The following PCDHA12 variants were observed in gnomAD, a reference collection of about 807,000 sequenced individuals.
PCDHA12 encodes protocadherin alpha-12.
PCDHA12 carries 44 observed loss-of-function variants against 60.0 expected under a neutral mutation model. The observed-to-expected ratio is 0.73, with a 90% confidence interval of 0.58 to 0.94. The LOEUF (loss-of-function observed/expected upper bound fraction) is 0.94, where lower values mean the gene tolerates loss of function less well. Ranked by LOEUF, PCDHA12 falls within the 40% of genes least tolerant of loss-of-function variation. The probability of loss-of-function intolerance (pLI) is 0.00; values close to 1 mark genes in which losing one functional copy is unlikely to be tolerated. For missense variants in PCDHA12, 1,276 were observed against 1,239.7 expected (o/e 1.03, Z -0.44); for synonymous variants, 569 against 553.0 (o/e 1.03, Z -0.40).
intron 3 of PCDHA12, among the ~76,000 whole-genome samples, chr5:140,994,729 A>G (rs1382639837): frequency 6.6e-6 from 1 of 152,180 alleles, no homozygotes; most frequent in Non-Finnish European, 1.5e-5. Flanking sequence ...AATACTGGGT[A>G]TTGCAGGATG....
At chr5:140,924,894 C>CAA (rs782133089) in intron 1 of PCDHA12, among the ~76,000 whole-genome samples, 44 of 71,514 alleles carry the variant, frequency 6.2e-4, no homozygotes, top group African/African-American at 1.3e-3. Flanking sequence ...GAACCTGTCT[C>CAA]AAAAAAAAAA....
rs2057054618 is a variant in PCDHA12, at chr5:140,877,347, G to A, written c.1875G>A (p.Gly625=). 1.9e-6 allele frequency: 3 copies of A among 1,614,010 alleles called. No individual in the cohort carries two copies. Among genetic ancestry groups the A allele is most frequent in the Admixed American group, 1.7e-5 (1 of 60,030 alleles). The change falls in exon 1 of 4, where the codon GGG becomes GGA. Residue 625 remains glycine (G), a synonymous_variant. Transcript: ENST00000398631. ...GCGCGCACATCCCGTTCCACGTGGGGCTGTACACTGGCGAGATCAGCACGA... is the reference window on the plus strand; with the variant it reads ...GCGCGCACATCCCGTTCCACGTGGGACTGTACACTGGCGAGATCAGCACGA... ...AVGAHIPFHV[G]LYTGEISTTR... is the part of the protein sequence containing the mutation.
In PCDHA12 at chr5:140,877,149, C is replaced by G. The variant is rs2056888845; in HGVS notation, c.1677C>G (p.Asn559Lys). The G allele has an allele frequency of 2.5e-6, 4 of 1,613,648 alleles. No individual in the cohort carries two copies. The highest frequency in any genetic ancestry group is 1.1e-5 in the South Asian group (1 of 91,078). Residue 559 changes from asparagine to lysine, a missense_variant, in exon 1 of 4, where the codon AAC (asparagine) becomes AAG (lysine). Asn to Lys is a moderately conservative substitution (Grantham distance 94, BLOSUM62 0). Coordinates refer to ENST00000398631, the MANE Select transcript of PCDHA12 (RefSeq NM_018903.4). ...TGCAGGTGTTCGTGCTGGACGAGAA[C>G]GACAACGCGCCGGCACTGCTGGCGA... is the stretch of plus-strand genomic sequence containing the variant. ...VTLQVFVLDENDNAPALLATP... is the reference protein window; with the variant it reads ...VTLQVFVLDEKDNAPALLATP...
At position 140,962,458 on chromosome 5, in the gene PCDHA12, G is replaced by A. The variant is rs535139362; in HGVS notation, c.2368-16491G>A. ...CCAAAGATGGCTTGAATCTCTTATG[G>A]CTTGAATCTCTTTGTTTATTCTAAG... On this transcript the variant is annotated intron_variant, in intron 1 of 3. Transcript: ENST00000398631. Among the ~76,000 whole-genome samples, 222 of 152,088 alleles carry A rather than the reference G, an allele frequency of 1.5e-3. 9 individuals carry two copies. In the South Asian group the frequency reaches 0.044, roughly 30 times the overall value.
In PCDHA12 at chr5:140,876,690, G is replaced by T; in HGVS notation, c.1218G>T (p.Ser406=). The T allele has an allele frequency of 6.2e-7, 1 of 1,614,174 alleles. No homozygotes were observed. Among genetic ancestry groups the T allele is most frequent in the Admixed American group, 1.7e-5 (1 of 60,034 alleles). ...KLVSTYKNYY[S]LVLDSALDRE... is the part of the protein sequence containing the mutation. ...TGTCCACCTACAAGAATTACTACTC[G>T]TTGGTGCTGGACAGCGCCCTGGACC... Residue 406 remains serine, a synonymous_variant, in exon 1 of 4, where the codon TCG becomes TCT. Coordinates refer to ENST00000398631, the MANE Select transcript of PCDHA12 (RefSeq NM_018903.4).
intron 3 of PCDHA12, among the ~76,000 whole-genome samples, chr5:141,004,400 G>A (rs183932833): frequency 7.4e-4 from 113 of 152,304 alleles, no homozygotes; most frequent in African/African-American, 2.7e-3. Flanking sequence ...TGTGGAGGAG[G>A]CACCTGACTA....
At chr5:141,003,307 C>T (rs2153977029) in intron 3 of PCDHA12, among the ~76,000 whole-genome samples, 1 of 152,252 alleles carries the variant, frequency 6.6e-6, no homozygotes. Flanking sequence ...ATGAAGTGGC[C>T]AGCTACTTCC....
intron 1 of PCDHA12, among the ~76,000 whole-genome samples, chr5:140,889,614 AT>A (rs1488109035): frequency 5.9e-5 from 9 of 151,496 alleles, no homozygotes; most frequent in Admixed American, 5.9e-4. Flanking sequence ...AATTATACTG[AT>A]TCATTTCTCT....
chr5:140,988,818 CCAAA>C (rs1193685505), intron 3 of PCDHA12: 2 of 152,060 alleles, frequency 1.3e-5, no homozygotes, highest in Non-Finnish European at 2.9e-5. Flanking sequence ...AACAGTAGCC[CCAAA>C]CAGAGATCAC....
chr5:140,938,991 T>C (rs2092291799), intron 1 of PCDHA12, among the ~76,000 whole-genome samples: 2 of 152,230 alleles, frequency 1.3e-5, no homozygotes, highest in South Asian at 2.1e-4. Context: ...TGGCTTTATA[T>C]AGTAAGTTAA....
intron 1 of PCDHA12, among the ~76,000 whole-genome samples, chr5:140,932,619 A>T (rs535899807): frequency 5.3e-5 from 8 of 152,056 alleles, no homozygotes; most frequent in African/African-American, 1.9e-4. Context: ...TGAAGCTGAT[A>T]ACCACACTAA....
At chr5:140,889,763 T>C (rs2062377523) in intron 1 of PCDHA12, among the ~76,000 whole-genome samples, 1 of 152,192 alleles carries the variant, frequency 6.6e-6, no homozygotes, top group African/African-American at 2.4e-5. Context: ...TCCTTGAACT[T>C]TGACTGGTCT....
At chr5:140,884,267 T>C in intron 1 of PCDHA12, 3 of 1,613,566 alleles carry the variant, frequency 1.9e-6, no homozygotes, top group South Asian at 1.1e-5. Context: ...AACGGTGCTG[T>C]TGTCGCTGGT....
chr5:140,993,462 TCACACACACACACACA>T (rs3836747), intron 3 of PCDHA12, among the ~76,000 whole-genome samples: 191 of 141,044 alleles, frequency 1.4e-3, no homozygotes, highest in African/African-American at 3.8e-3. Context: ...TCTTTCTTTC[TCACACACACACACACA>T]CACACACACA....
chr5:140,973,754 G>A (rs2096600951), intron 1 of PCDHA12, among the ~76,000 whole-genome samples: 1 of 152,198 alleles, frequency 6.6e-6, no homozygotes, highest in South Asian at 2.1e-4. Flanking sequence ...CACTCTGCAG[G>A]GACACAGCCT....
chr5:140,938,034 A>G (rs541380016), intron 1 of PCDHA12, among the ~76,000 whole-genome samples: 2 of 152,160 alleles, frequency 1.3e-5, no homozygotes, highest in South Asian at 4.2e-4. Flanking sequence ...TCATATTTTT[A>G]TATTTTGGGT....
chr5:140,958,077 A>G (rs2095408004), intron 1 of PCDHA12, among the ~76,000 whole-genome samples: 2 of 152,124 alleles, frequency 1.3e-5, no homozygotes, highest in South Asian at 4.1e-4. Flanking sequence ...AGAAGCAAAA[A>G]GTAAAGTTGT....
chr5:140,940,666 A>G (rs1398290925), intron 1 of PCDHA12, among the ~76,000 whole-genome samples: 1 of 152,176 alleles, frequency 6.6e-6, no homozygotes, highest in Non-Finnish European at 1.5e-5. Flanking sequence ...TTAAATCTTC[A>G]TCTGATAATT....
chr5:140,960,848 A>G (rs2095575135), intron 1 of PCDHA12, among the ~76,000 whole-genome samples: 1 of 152,212 alleles, frequency 6.6e-6, no homozygotes, highest in Non-Finnish European at 1.5e-5. Context: ...GTTTAATGGC[A>G]ACTATAAGCC....
Sources: allele counts gnomAD v4.1 joint callset (sites outside exome capture counted in the v4.1 genomes callset), GRCh38; gene constraint gnomAD v4.1.1; transcripts MANE v1.5; gene names NCBI Gene and HGNC (gene_info 2026-07-23, HGNC 2026-07-21).